TTC7A: variants seen among roughly 807,000 people sequenced by gnomAD.
TTC7A encodes the protein tetratricopeptide repeat protein 7A.
A neutral mutation model predicts 103.7 loss-of-function variants in TTC7A; 110 were observed. That is an observed-to-expected ratio of 1.06 (90% CI 0.91 to 1.24). The LOEUF (loss-of-function observed/expected upper bound fraction) is 1.24, where lower values mean the gene tolerates loss of function less well. Among genes scored for constraint, TTC7A ranks in the 50% most tolerant of loss-of-function variants. TTC7A has a pLI of 0.00. For missense variants in TTC7A, 1,340 were observed against 1,116.3 expected, an observed-to-expected ratio of 1.20 and a Z score of -2.86; for synonymous variants, 521 against 467.9, an observed-to-expected ratio of 1.11 and a Z score of -1.47.
chr2:47,016,986 G>T (rs914285518), intron 11 of TTC7A, among the ~76,000 whole-genome samples: 1 of 151,986 alleles, frequency 6.6e-6, no homozygotes, highest in Non-Finnish European at 1.5e-5. Flanking sequence ...ATCACCCGAG[G>T]TCAGGAGTTC....
rs149266167 is a variant in TTC7A, at chr2:47,073,911, C to A, written c.2565C>A (p.Pro855=). ...CTGTACTGCCCTTCTCCATCATCCC[C>A]AGAGAGCTCTGACGACGCTGCAGCC... ...SSPVLPFSII[P]REL is the part of the protein sequence containing the mutation. Residue 855 remains proline (P), a synonymous_variant, in exon 20 of 20, where the codon CCC becomes CCA. Transcript: ENST00000319190. 3.1e-6 allele frequency: 5 copies of A among 1,611,814 alleles called. No individual in the cohort carries two copies. In the African/African-American group the frequency reaches 5.3e-5, roughly 17 times the overall value.
chr2:47,046,470 G>A (rs745857543), intron 16 of TTC7A, 39 bp downstream of exon 16: 1 of 1,546,650 alleles, frequency 6.5e-7, no homozygotes, highest in Non-Finnish European at 8.9e-7. Context: ...GCCAGAGGGT[G>A]GTTGCCAGGG....
intron 2 of TTC7A, among the ~76,000 whole-genome samples, chr2:46,954,147 G>C (rs1219843959): frequency 2.6e-5 from 4 of 152,176 alleles, no homozygotes; most frequent in Non-Finnish European, 5.9e-5. Context: ...CACTTTTATA[G>C]TTCCCACGTT....
intron 3 of TTC7A, among the ~76,000 whole-genome samples, chr2:46,969,872 T>C (rs2104172421): frequency 6.6e-6 from 1 of 152,196 alleles, no homozygotes; most frequent in African/African-American, 2.4e-5. Flanking sequence ...GTAGAGAGGA[T>C]GATGACAATG....
Position 46,950,392 on chromosome 2 carries a change from G to A in TTC7A, c.214G>A (p.Ala72Thr), listed in dbSNP as rs1288345150. The A allele has an allele frequency of 1.9e-6, 3 of 1,614,030 alleles. No individual in the cohort carries two copies. The highest frequency in any genetic ancestry group is 1.3e-5 in the African/African-American group (1 of 74,900). Reference protein sequence around the residue: ...DDFGKLLLAEALLEQCLKENH... With the variant: ...DDFGKLLLAETLLEQCLKENH... ...CTTTGGGAAATTGCTGCTGGCTGAG[G>A]CCCTCCTGGAGCAGTGTTTGAAGGA... Residue 72 changes from alanine to threonine, a missense_variant, in exon 2 of 20, where the codon GCC becomes ACC. Physicochemically the swap from Ala to Thr is moderately conservative, Grantham distance 58. Transcript: ENST00000319190.
At chr2:46,983,772 C>A (rs1375582510) in intron 5 of TTC7A, among the ~76,000 whole-genome samples, 1 of 152,196 alleles carries the variant, frequency 6.6e-6, no homozygotes, top group Non-Finnish European at 1.5e-5. Context: ...ATGGGAAAGT[C>A]TGTAAAATTT....
rs766107839 is a variant in TTC7A at position 47,073,786 on chromosome 2, G to C, written c.2440G>C (p.Glu814Gln). 1.2e-6 allele frequency: 2 copies of C among 1,613,814 alleles called. No homozygotes were observed. Among genetic ancestry groups the C allele is most frequent in the South Asian group, 2.2e-5 (2 of 91,084 alleles). The change falls in exon 20 of 20, where the codon GAG (glutamate) becomes CAG (glutamine). Residue 814 changes from glutamate (E) to glutamine (Q), a missense_variant. Physicochemically the swap from Glu to Gln is conservative, Grantham distance 29. Transcript: ENST00000319190. ...CGTGGAGAGGCAGAGTACGTGCCAC[G>C]AGGCGTGGCAGGGCCTGGGCGAGGT... ...DAVERQSTCH[E>Q]AWQGLGEVLQ...
chr2:47,057,950 C>G lies in TTC7A; in HGVS notation c.2153-2819C>G, dbSNP rs148634584. The stretch of plus-strand genomic sequence containing the variant: ...TGGCTCAGCTGCTCCCACTCCTGTC[C>G]CCACTCTTTCTCCTCCTTGTGGGGA... On this transcript the variant is annotated intron_variant, in intron 18 of 19. Transcript: ENST00000319190. 3.7e-3 allele frequency among the ~76,000 whole-genome samples: 570 copies of G among 152,290 alleles called. 6 individuals are homozygous for G. Among genetic ancestry groups the G allele is most frequent in the African/African-American group, 0.013 (541 of 41,552 alleles).
chr2:46,945,381 T>C (rs1670842801), intron 1 of TTC7A, among the ~76,000 whole-genome samples: 1 of 152,210 alleles, frequency 6.6e-6, no homozygotes, highest in African/African-American at 2.4e-5. Flanking sequence ...GCCTCCCAAG[T>C]AGCTGGGACT....
intron 2 of TTC7A, among the ~76,000 whole-genome samples, chr2:46,920,343 T>C (rs1669036741): frequency 6.6e-6 from 1 of 152,156 alleles, no homozygotes; most frequent in South Asian, 2.1e-4. Context: ...CTTAGCCTTT[T>C]TTTTGAGACA....
intron 8 of TTC7A, among the ~76,000 whole-genome samples, chr2:47,001,410 G>A (rs910515509): frequency 2.0e-5 from 3 of 152,190 alleles, no homozygotes; most frequent in African/African-American, 7.2e-5. Context: ...GGGTGGTTCA[G>A]CCTCAGCTCC....
intron 19 of TTC7A, among the ~76,000 whole-genome samples, chr2:47,073,182 C>T (rs780162820): frequency 2.2e-4 from 34 of 152,216 alleles, no homozygotes; most frequent in Non-Finnish European, 2.4e-4. Flanking sequence ...CGTCCTCCTC[C>T]GTCTCTCTGC....
At chr2:47,003,659 C>A (rs187164169) in intron 8 of TTC7A, among the ~76,000 whole-genome samples, 1 of 152,202 alleles carries the variant, frequency 6.6e-6, no homozygotes, top group Non-Finnish European at 1.5e-5. Context: ...CTGCAGACTG[C>A]CTGGCTCCAC....
At chr2:46,961,013 T>C (rs145668602) in intron 3 of TTC7A, among the ~76,000 whole-genome samples, 2 of 152,332 alleles carry the variant, frequency 1.3e-5, no homozygotes, top group East Asian at 3.9e-4. Context: ...AAATTTGCTT[T>C]TATATTTCAA....
chr2:46,965,267 C>T (rs543082608), intron 3 of TTC7A, among the ~76,000 whole-genome samples: 2 of 152,342 alleles, frequency 1.3e-5, no homozygotes, highest in South Asian at 4.1e-4. Context: ...ACGCTGCTTC[C>T]AGGACAGGAT....
chr2:46,979,173 G>C (rs773359712), intron 5 of TTC7A, among the ~76,000 whole-genome samples: 13 of 152,130 alleles, frequency 8.5e-5, no homozygotes, highest in Non-Finnish European at 1.9e-4. Flanking sequence ...AACAGGAGTG[G>C]GCATTTCAAG....
intron 14 of TTC7A, among the ~76,000 whole-genome samples, chr2:47,027,302 G>A (rs1238643782): frequency 6.6e-6 from 1 of 152,188 alleles, no homozygotes; most frequent in Non-Finnish European, 1.5e-5. Context: ...CACAGCACAA[G>A]GAGGGCTGGC....
At chr2:46,926,145 CAGA>C (rs1346155049) in intron 2 of TTC7A, among the ~76,000 whole-genome samples, 2 of 152,228 alleles carry the variant, frequency 1.3e-5, no homozygotes, top group Non-Finnish European at 2.9e-5. Context: ...ATTCCCTCCA[CAGA>C]AGAATCTCCT....
At chr2:47,060,357 G>A (rs1309969907) in intron 18 of TTC7A, among the ~76,000 whole-genome samples, 1 of 151,890 alleles carries the variant, frequency 6.6e-6, no homozygotes, top group South Asian at 2.1e-4. Context: ...ACAACAGAGG[G>A]AAACTCTTTT....
Sources: allele counts gnomAD v4.1 joint callset (sites outside exome capture counted in the v4.1 genomes callset), GRCh38; gene constraint gnomAD v4.1.1; transcripts MANE v1.5; gene names NCBI Gene and HGNC (gene_info 2026-07-23, HGNC 2026-07-21).